Variants in GRM8 observed in about 807,000 individuals in gnomAD.
GRM8 encodes the protein metabotropic glutamate receptor 8.
GRM8 carries 47 observed loss-of-function variants against 87.2 expected under a neutral mutation model. The observed-to-expected ratio is 0.54, with a 90% CI of 0.43 to 0.69. The LOEUF is 0.69. GRM8 is among the 30% of genes least tolerant of loss of function. The pLI, the probability that GRM8 is intolerant of heterozygous loss-of-function variation, is 0.00. For synonymous variants in GRM8, 396 were observed against 404.5 expected (o/e 0.98, Z 0.25); for missense variants, 1,019 against 1,139.2 (o/e 0.89, Z 1.52).
intron 3 of GRM8, among the ~76,000 whole-genome samples, chr7:127,062,897 C>T (rs1820755676): frequency 6.6e-6 from 1 of 152,104 alleles, no homozygotes; most frequent in South Asian, 2.1e-4. Flanking sequence ...TTTGGATCTC[C>T]TTTCTTATCT....
intron 9 of GRM8, among the ~76,000 whole-genome samples, chr7:126,454,108 GT>G (rs2150495152): frequency 6.6e-6 from 1 of 151,798 alleles, no homozygotes; most frequent in South Asian, 2.1e-4. Flanking sequence ...ATAAATAAAA[GT>G]ATAAATTAGT....
At chr7:126,659,517 A>T (rs1457198161) in intron 7 of GRM8, among the ~76,000 whole-genome samples, 1 of 152,220 alleles carries the variant, frequency 6.6e-6, no homozygotes, top group Admixed American at 6.5e-5. Context: ...GAAATATTCA[A>T]CCATAATAAG....
intron 6 of GRM8, among the ~76,000 whole-genome samples, chr7:126,897,805 T>G (rs1271996786): frequency 6.6e-6 from 1 of 152,074 alleles, no homozygotes; most frequent in Non-Finnish European, 1.5e-5. Flanking sequence ...GGCCAGCAAA[T>G]CAAAAGTTAG....
At chr7:126,496,665 G>A (rs780041607) in intron 9 of GRM8, among the ~76,000 whole-genome samples, 1 of 151,802 alleles carries the variant, frequency 6.6e-6, no homozygotes, top group Non-Finnish European at 1.5e-5. Context: ...ATCATCCAGA[G>A]GTCAGTTGCA....
chr7:127,135,310 T>C (rs568185289), intron 2 of GRM8, among the ~76,000 whole-genome samples: 1 of 152,224 alleles, frequency 6.6e-6, no homozygotes, highest in African/African-American at 2.4e-5. Context: ...TTATAAATCT[T>C]TTTTTCACTA....
chr7:127,070,456 G>C (rs1821566295), intron 3 of GRM8, among the ~76,000 whole-genome samples: 1 of 152,072 alleles, frequency 6.6e-6, no homozygotes, highest in African/African-American at 2.4e-5. Context: ...GCTTTGAACA[G>C]TAAAAATGAC....
rs893109195 is a variant in GRM8, at chr7:126,733,479, T to A, written c.1357+36386A>T. ...TTGGAAAAAAAAGAGGAAAAAAAAA[T>A]AAAGCCCTGTAACTAAGTCTCATTT... On this transcript the variant is annotated intron_variant, in intron 7 of 10. Transcript: ENST00000339582. Among the ~76,000 whole-genome samples the A allele has an allele frequency of 9.4e-5, 14 of 149,648 alleles. 1 individual carries two copies. The East Asian group carries it at 2.6e-3, about 27-fold the overall frequency.
intron 8 of GRM8, 112 bp from the exon 9 acceptor site, chr7:126,533,999 T>C (rs1815276067): frequency 5.1e-6 from 4 of 779,244 alleles, no homozygotes; most frequent in Non-Finnish European, 8.1e-6. Flanking sequence ...AAATACAGTT[T>C]ACCATAATAA....
rs115553387 is a variant in GRM8 at position 126,904,265 on chromosome 7, C to T, written c.864-139G>A. On this transcript the variant is annotated intron_variant, in intron 4 of 10. Transcript: ENST00000339582. The stretch of plus-strand genomic sequence containing the variant: ...AATTAAGACGATCATTCTAACTGCC[C>T]GAGTCTTATCATCTCCTAAAAACAA... 993 of 723,114 alleles carry T rather than the reference C, an allele frequency of 1.4e-3. 8 individuals carry two copies. In the African/African-American group the frequency reaches 0.015, roughly 11 times the overall value. The allele number at this position is 723,114 out of a possible 1,614,324, so 44.8% of individuals were successfully genotyped here.
chr7:126,563,282 C>T (rs1793898045), intron 8 of GRM8, among the ~76,000 whole-genome samples: 1 of 139,764 alleles, frequency 7.2e-6, no homozygotes. Flanking sequence ...TTCTACTTGC[C>T]CTGTGGTTTT....
intron 8 of GRM8, among the ~76,000 whole-genome samples, chr7:126,588,573 C>A (rs1433484832): frequency 6.6e-6 from 1 of 152,024 alleles, no homozygotes; most frequent in Non-Finnish European, 1.5e-5. Flanking sequence ...CAGTGGTGAA[C>A]TGGATAAAGA....
At chr7:126,693,030 T>C (rs1299129691) in intron 7 of GRM8, among the ~76,000 whole-genome samples, 1 of 152,160 alleles carries the variant, frequency 6.6e-6, no homozygotes, top group Non-Finnish European at 1.5e-5. Flanking sequence ...AAACCCTCAA[T>C]AGGAAAAAGT....
intron 3 of GRM8, among the ~76,000 whole-genome samples, chr7:127,059,354 T>TTAA (rs1820383177): frequency 6.6e-6 from 1 of 150,778 alleles, no homozygotes; most frequent in African/African-American, 2.4e-5. Flanking sequence ...TTGTTTTTTT[T>TTAA]GAGATGGAGT....
At chr7:127,055,345 G>A (rs1307997973) in intron 3 of GRM8, among the ~76,000 whole-genome samples, 3 of 152,040 alleles carry the variant, frequency 2.0e-5, no homozygotes, top group East Asian at 1.9e-4. Context: ...GAATTAATAC[G>A]CTCAAATAAA....
chr7:126,659,176 C>T (rs556789503), intron 7 of GRM8, among the ~76,000 whole-genome samples: 2 of 152,192 alleles, frequency 1.3e-5, no homozygotes, highest in African/African-American at 2.4e-5. Context: ...CAAAACCTCC[C>T]AGCCTTCCAG....
chr7:127,066,567 ATGT>A (rs1390842301), intron 3 of GRM8, among the ~76,000 whole-genome samples: 3 of 152,088 alleles, frequency 2.0e-5, no homozygotes. Flanking sequence ...TTATATAGTG[ATGT>A]TGTGATACAT....
chr7:126,464,984 C>T (rs558868215), intron 9 of GRM8, among the ~76,000 whole-genome samples: 21 of 151,602 alleles, frequency 1.4e-4, no homozygotes, highest in South Asian at 6.3e-4. Flanking sequence ...TTAATAATAC[C>T]GGTAAGTTTT....
At chr7:126,605,970 C>T (rs543661550) in intron 8 of GRM8, among the ~76,000 whole-genome samples, 162 of 152,320 alleles carry the variant, frequency 1.1e-3, no homozygotes, top group African/African-American at 3.7e-3. Context: ...TTCACATATT[C>T]ACTATAGTCT....
At chr7:126,710,128 T>A (rs1158136906) in intron 7 of GRM8, among the ~76,000 whole-genome samples, 2 of 152,198 alleles carry the variant, frequency 1.3e-5, no homozygotes, top group African/African-American at 4.8e-5. Flanking sequence ...TAATTTATTT[T>A]AAAAATATTT....
Sources: allele counts gnomAD v4.1 joint callset (sites outside exome capture counted in the v4.1 genomes callset), GRCh38; gene constraint gnomAD v4.1.1; transcripts MANE v1.5; gene names NCBI Gene and HGNC (gene_info 2026-07-23, HGNC 2026-07-21).